TRPM7: variants seen among roughly 807,000 people sequenced by gnomAD.
The protein encoded by TRPM7 is transient receptor potential cation channel subfamily M member 7, also known as LTRPC ion channel family member 7.
In TRPM7, 134 loss-of-function variants were observed where a neutral mutation model predicts 229.7. The ratio of observed to expected loss-of-function variants is 0.58; its 90% CI spans 0.51 to 0.67. The LOEUF is 0.67. TRPM7 is among the 30% of genes least tolerant of loss of function. The pLI is 0.00. For missense variants in TRPM7, 1,901 were observed against 2,210.0 expected (o/e 0.86, Z 2.80); for synonymous variants, 699 against 715.2 (o/e 0.98, Z 0.36).
In TRPM7 at chr15:50,592,372, A is replaced by C; in HGVS notation, c.3863T>G (p.Val1288Gly). ...ATTTACAACACCATGCTTTTTCCAT[A>C]CAGAAGGTCTTACAGGACCATCATC... ...LIDDGPVRPS[V>G]WKKHGVVNTL... The change falls in exon 26 of 39, where the codon GTA becomes GGA. Residue 1288 changes from valine (V) to glycine (G), a missense_variant. Transcript: ENST00000646667. The C allele has an allele frequency of 6.2e-7, 1 of 1,614,196 alleles. No individual in the cohort carries two copies. The highest frequency in any genetic ancestry group is 8.5e-7 in the Non-Finnish European group (1 of 1,180,034).
At chr15:50,610,708 A>G (rs2060042488) in intron 17 of TRPM7, among the ~76,000 whole-genome samples, 1 of 152,202 alleles carries the variant, frequency 6.6e-6, no homozygotes, top group Non-Finnish European at 1.5e-5. Context: ...CATCCAATAT[A>G]CTTTAAGTAA....
chr15:50,577,040 A>T (rs2054167314), intron 31 of TRPM7, among the ~76,000 whole-genome samples: 2 of 149,528 alleles, frequency 1.3e-5, no homozygotes, highest in Admixed American at 1.3e-4. Context: ...TGAGCCTAGG[A>T]GGTTGAGGCT....
In TRPM7 at chr15:50,619,749, T is replaced by C; in HGVS notation, c.1490A>G (p.Lys497Arg). ...AAGCAAAAAATAATCTCTTACCTGT[T>C]TGACGTCTCGAACAAGATGAAACAG... ...PMLFHLVRDV[K>R]QGNLPPGYKI... The change falls in exon 13 of 39, where the codon AAA (lysine) becomes AGA (arginine). Residue 497 changes from lysine to arginine, a missense_variant. Lys to Arg is a conservative substitution (Grantham distance 26, BLOSUM62 2). Around this residue, in one of 8 missense-constraint regions of TRPM7, gnomAD observed 794 missense variants for 881.9 expected, o/e 0.90. Coordinates refer to ENST00000646667, the MANE Select transcript of TRPM7 (RefSeq NM_017672.6). 6.3e-7 allele frequency: 1 copy of C among 1,594,086 alleles called. No individual in the cohort carries two copies. Among genetic ancestry groups the C allele is most frequent in the Non-Finnish European group, 8.5e-7 (1 of 1,173,840 alleles).
At position 50,593,630 on chromosome 15, in the gene TRPM7, C is replaced by A; in HGVS notation, c.3595G>T (p.Val1199Phe). ...FHSGSEERIRVTFERVEQMCI... is the reference protein window; with the variant it reads ...FHSGSEERIRFTFERVEQMCI... The stretch of plus-strand genomic sequence containing the variant: ...GGGCTTCTGAACCTTTCAAAAGTGA[C>A]ACGAATTCTCTCTTCACTCCCAGAA... Residue 1199 changes from valine to phenylalanine, a missense_variant, in exon 25 of 39, where the codon GTC becomes TTC. This residue lies in a region of TRPM7 where 533 missense variants were observed against 497.1 expected (regional missense o/e 1.07). Transcript: ENST00000646667. 6.2e-7 allele frequency: 1 copy of A among 1,611,728 alleles called. No individual in the cohort carries two copies. Among genetic ancestry groups the A allele is most frequent in the Non-Finnish European group, 8.5e-7 (1 of 1,179,384 alleles).
At chr15:50,618,604 T>A (rs912747478) in intron 13 of TRPM7, among the ~76,000 whole-genome samples, 1 of 150,092 alleles carries the variant, frequency 6.7e-6, no homozygotes, top group Non-Finnish European at 1.5e-5. Context: ...AATAAATAAA[T>A]AAATAAATAA....
intron 36 of TRPM7, 24 bp from the exon 37 acceptor site, chr15:50,570,179 A>C (rs12914001): frequency 1.3e-6 from 2 of 1,516,034 alleles, no homozygotes; most frequent in Non-Finnish European, 9.0e-7. Flanking sequence ...TATAAAAAAG[A>C]CAAATAATTT....
intron 1 of TRPM7, among the ~76,000 whole-genome samples, chr15:50,664,336 A>C (rs536453305): frequency 9.3e-4 from 141 of 151,248 alleles, no homozygotes; most frequent in Non-Finnish European, 1.5e-3. Context: ...AAAGTGATAG[A>C]TTGATAAAAA....
At chr15:50,662,595 G>T (rs1162868859) in intron 2 of TRPM7, among the ~76,000 whole-genome samples, 1 of 152,032 alleles carries the variant, frequency 6.6e-6, no homozygotes, top group African/African-American at 2.4e-5. Flanking sequence ...CATAGTGTTG[G>T]ATACCCAGTA....
At chr15:50,674,849 A>G (rs574304809) in intron 1 of TRPM7, among the ~76,000 whole-genome samples, 2 of 152,218 alleles carry the variant, frequency 1.3e-5, no homozygotes, top group East Asian at 3.9e-4. Flanking sequence ...CACTTCGAAT[A>G]TATCATCCCC....
intron 28 of TRPM7, 63 bp from the exon 29 acceptor site, chr15:50,583,222 CCAAACA>C: frequency 5.0e-6 from 6 of 1,197,314 alleles, no homozygotes; most frequent in Non-Finnish European, 7.2e-6. Flanking sequence ...TACCAACTAA[CCAAACA>C]CAAAGTATTC....
chr15:50,613,847 A>G lies in TRPM7; in HGVS notation c.1636-6T>C, dbSNP rs2060135277. The G allele has an allele frequency of 6.2e-7, 1 of 1,604,826 alleles. No homozygotes were observed. The highest frequency in any genetic ancestry group is 1.3e-5 in the African/African-American group (1 of 74,286). Reference sequence around the variant, plus strand: ...GAGGTATTTCGGCCAGACCTCTGAAAATGAGATCTTATTAGCTTTTATAGA... The same window carrying G: ...GAGGTATTTCGGCCAGACCTCTGAAGATGAGATCTTATTAGCTTTTATAGA... On this transcript the variant is annotated splice_region_variant and splice_polypyrimidine_tract_variant and intron_variant, in intron 14 of 38. Transcript: ENST00000646667.
chr15:50,559,023 G>C lies in TRPM7; in HGVS notation c.*2655C>G, dbSNP rs1422448415. The stretch of plus-strand genomic sequence containing the variant: ...TCCTCCCACCTCAGTCTCCCAAGTA[G>C]CTGGAACTACAGGTGCACACCATCA... On this transcript the variant is annotated 3_prime_UTR_variant, in exon 39 of 39. Coordinates refer to ENST00000646667, the MANE Select transcript of TRPM7 (RefSeq NM_017672.6). 6.7e-6 allele frequency: 1 copy of C among 148,992 alleles called. No individual in the cohort carries two copies. Among genetic ancestry groups the C allele is most frequent in the Admixed American group, 6.8e-5 (1 of 14,794 alleles). The allele number at this position is 148,992 out of a possible 1,614,324, so 9.2% of individuals were successfully genotyped here.
At position 50,628,101 on chromosome 15, in the gene TRPM7, T is replaced by C. The variant is rs559669952; in HGVS notation, c.1305+48A>G. 8 of 1,324,338 alleles carry C rather than the reference T, an allele frequency of 6.0e-6. No individual in the cohort carries two copies. In the South Asian group the frequency reaches 7.5e-5, roughly 12 times the overall value. The allele number at this position is 1,324,338 out of a possible 1,614,324, so 82.0% of individuals were successfully genotyped here. A position where few individuals can be genotyped will look rare whatever the true frequency, so the allele number is the denominator to read the frequency against. On this transcript the variant is annotated intron_variant, in intron 11 of 38. Coordinates refer to ENST00000646667, the MANE Select transcript of TRPM7 (RefSeq NM_017672.6). ...CACAGTTCCCGCAAATACTTTTTTA[T>C]TACTTAGTGTAATTTAATTGTATTG...
At chr15:50,664,191 C>T (rs933792334) in intron 1 of TRPM7, among the ~76,000 whole-genome samples, 1 of 150,024 alleles carries the variant, frequency 6.7e-6, no homozygotes, top group South Asian at 2.1e-4. Context: ...CCAGCTACTC[C>T]GGAGGCTGAG....
chr15:50,610,131 T>C (rs1167172133), intron 17 of TRPM7, among the ~76,000 whole-genome samples, 170 bp from the exon 18 acceptor site: 2 of 152,152 alleles, frequency 1.3e-5, no homozygotes, highest in African/African-American at 4.8e-5. Context: ...TTTACTTATA[T>C]ATTGTATTTA....
intron 26 of TRPM7, 23 bp from the exon 27 acceptor site, chr15:50,589,679 GC>G (rs781307721): frequency 6.6e-7 from 1 of 1,522,550 alleles, no homozygotes; most frequent in South Asian, 1.2e-5. Context: ...AAAAGATGTT[GC>G]AATGAGAAAT....
At chr15:50,660,529 C>A (rs1055419935) in intron 2 of TRPM7, among the ~76,000 whole-genome samples, 3 of 152,242 alleles carry the variant, frequency 2.0e-5, no homozygotes, top group Admixed American at 6.5e-5. Context: ...GTAGCGCATG[C>A]CTATAGTCCC....
At chr15:50,582,090 G>C (rs2054443446) in intron 29 of TRPM7, among the ~76,000 whole-genome samples, 1 of 152,064 alleles carries the variant, frequency 6.6e-6, no homozygotes, top group African/African-American at 2.4e-5. Flanking sequence ...AGCCTCCCGA[G>C]TAGCTGAATT....
intron 28 of TRPM7, among the ~76,000 whole-genome samples, chr15:50,584,734 A>G (rs979602044): frequency 6.6e-6 from 1 of 152,070 alleles, no homozygotes; most frequent in African/African-American, 2.4e-5. Context: ...GTACTCAAAA[A>G]TTTTGGATTT....
Sources: allele counts gnomAD v4.1 joint callset (sites outside exome capture counted in the v4.1 genomes callset), GRCh38; gene constraint gnomAD v4.1.1; regional missense constraint gnomAD v4.1.1; transcripts MANE v1.5; gene names NCBI Gene and HGNC (gene_info 2026-07-23, HGNC 2026-07-21).